LRRC4C: variants seen among roughly 807,000 people sequenced by gnomAD.
LRRC4C encodes leucine-rich repeat-containing protein 4C.
In LRRC4C, 5 loss-of-function variants were observed where a neutral mutation model predicts 33.6. The observed-to-expected ratio is 0.15, with a 90% CI of 0.08 to 0.31. LRRC4C has a LOEUF of 0.31. LRRC4C is among the 10% of genes least tolerant of loss of function. The pLI is 1.00. For synonymous variants in LRRC4C, 329 were observed against 302.0 expected (o/e 1.09, Z -0.93); for missense variants, 560 against 796.7 (o/e 0.70, Z 3.58).
chr11:41,182,620 TC>T (rs1298145168), intron 1 of LRRC4C, among the ~76,000 whole-genome samples: 1 of 152,136 alleles, frequency 6.6e-6, no homozygotes, highest in Non-Finnish European at 1.5e-5. Context: ...TCTCTAAAAG[TC>T]CAAAATCTTT....
intron 5 of LRRC4C, among the ~76,000 whole-genome samples, chr11:40,203,677 A>T (rs1345269537): frequency 6.6e-6 from 1 of 152,228 alleles, no homozygotes; most frequent in East Asian, 1.9e-4. Flanking sequence ...TCCTGGAAGG[A>T]AGCCATAATG....
intron 5 of LRRC4C, among the ~76,000 whole-genome samples, chr11:40,181,380 A>AT (rs1248919571): frequency 1.3e-5 from 2 of 152,188 alleles, no homozygotes; most frequent in African/African-American, 4.8e-5. Flanking sequence ...TTAAAACTGT[A>AT]TTTTACATAC....
At chr11:40,395,611 C>CTATA (rs1180662214) in intron 3 of LRRC4C, among the ~76,000 whole-genome samples, 1 of 152,072 alleles carries the variant, frequency 6.6e-6, no homozygotes, top group Non-Finnish European at 1.5e-5. Flanking sequence ...TTTTTTGAGT[C>CTATA]TATATTTATC....
At chr11:40,183,833 G>C (rs1189065090) in intron 5 of LRRC4C, among the ~76,000 whole-genome samples, 1 of 152,184 alleles carries the variant, frequency 6.6e-6, no homozygotes, top group East Asian at 1.9e-4. Flanking sequence ...AGGCCTTGTG[G>C]TTATGCTAGA....
At chr11:40,840,228 A>G (rs183586117) in intron 2 of LRRC4C, among the ~76,000 whole-genome samples, 88 of 152,328 alleles carry the variant, frequency 5.8e-4, no homozygotes, top group African/African-American at 2.0e-3. Context: ...CTATCAAAGA[A>G]AAACAGATAT....
At chr11:40,978,860 G>T (rs373089335) in intron 1 of LRRC4C, among the ~76,000 whole-genome samples, 2 of 151,926 alleles carry the variant, frequency 1.3e-5, no homozygotes, top group South Asian at 4.2e-4. Flanking sequence ...TCCAACTCCT[G>T]ATCTCAAGTG....
chr11:40,376,078 CA>C (rs1948648168), intron 3 of LRRC4C, among the ~76,000 whole-genome samples: 4 of 152,092 alleles, frequency 2.6e-5, no homozygotes, highest in Admixed American at 2.6e-4. Context: ...AAATATTAAT[CA>C]AGGAATTATT....
At chr11:40,962,232 G>A (rs769208844) in intron 1 of LRRC4C, among the ~76,000 whole-genome samples, 1 of 151,566 alleles carries the variant, frequency 6.6e-6, no homozygotes, top group Non-Finnish European at 1.5e-5. Context: ...TTTGAAGATC[G>A]AGGAAGGGAC....
intron 1 of LRRC4C, among the ~76,000 whole-genome samples, chr11:41,013,258 A>G (rs1424275793): frequency 6.6e-6 from 1 of 152,188 alleles, no homozygotes; most frequent in African/African-American, 2.4e-5. Flanking sequence ...CTAGTTACTC[A>G]TTGTATCCAC....
chr11:40,864,869 A>C (rs1954274797), intron 2 of LRRC4C, among the ~76,000 whole-genome samples: 1 of 152,184 alleles, frequency 6.6e-6, no homozygotes, highest in African/African-American at 2.4e-5. Flanking sequence ...TCTGTGTGTA[A>C]AAGATATTAC....
chr11:40,147,392 T>G (rs1857828675), intron 5 of LRRC4C, among the ~76,000 whole-genome samples: 1 of 152,158 alleles, frequency 6.6e-6, no homozygotes, highest in African/African-American at 2.4e-5. Flanking sequence ...TTCTTTTTAT[T>G]ATAACTATCC....
chr11:40,378,567 A>G (rs1480571174), intron 3 of LRRC4C, among the ~76,000 whole-genome samples: 2 of 152,078 alleles, frequency 1.3e-5, no homozygotes, highest in East Asian at 3.8e-4. Flanking sequence ...TATTGAAAGA[A>G]ATATTTCTAG....
chr11:40,771,018 C>T (rs369730036), intron 2 of LRRC4C, among the ~76,000 whole-genome samples: 1 of 152,326 alleles, frequency 6.6e-6, no homozygotes, highest in African/African-American at 2.4e-5. Context: ...TAGCTTTCTT[C>T]TTACAGATTC....
chr11:40,316,194 TTG>T (rs933583948), intron 4 of LRRC4C, among the ~76,000 whole-genome samples: 10 of 152,148 alleles, frequency 6.6e-5, no homozygotes, highest in African/African-American at 2.4e-4. Flanking sequence ...ATTGTCTCAC[TTG>T]AAATTATGTA....
intron 1 of LRRC4C, among the ~76,000 whole-genome samples, chr11:40,994,824 TA>T (rs529304194): frequency 0.2 from 4,275 of 21,182 alleles, 64 homozygotes; most frequent in Middle Eastern, 0.24. Flanking sequence ...ACTTTTTTTT[TA>T]ACTACTTCAT....
intron 1 of LRRC4C, chr11:41,394,575 C>T (rs1043342055): frequency 1.3e-5 from 2 of 151,862 alleles, no homozygotes; most frequent in Admixed American, 1.3e-4. Flanking sequence ...ATGATTTGAT[C>T]CTTGTGGTAA....
intron 2 of LRRC4C, among the ~76,000 whole-genome samples, chr11:40,776,192 A>AT (rs1949986207): frequency 6.6e-6 from 1 of 151,414 alleles, no homozygotes; most frequent in Non-Finnish European, 1.5e-5. Context: ...CCTGTTGATG[A>AT]TTTTTGCATC....
At chr11:40,719,917 C>A (rs1946924781) in intron 2 of LRRC4C, among the ~76,000 whole-genome samples, 1 of 146,730 alleles carries the variant, frequency 6.8e-6, no homozygotes, top group South Asian at 2.2e-4. Context: ...TGAAAACTAT[C>A]CAACTTGCTT....
rs138933488 is a variant in LRRC4C, at chr11:41,176,967, T to TAAAAC, written c.-495-243249_-495-243245dup. ...GCGACAGAGTAATACTCCATCTCTA[T>TAAAAC]AAAACAAAACAAAACAAAACAAAAC... On this transcript the variant is annotated intron_variant, in intron 1 of 6. Transcript: ENST00000528697. Among the ~76,000 whole-genome samples the TAAAAC allele has an allele frequency of 4.4e-3, 650 of 147,716 alleles. 1 individual carries two copies. Among genetic ancestry groups the TAAAAC allele is most frequent in the African/African-American group, 0.015 (586 of 39,668 alleles).
Sources: gnomAD v4.1 joint callset for allele counts (sites outside exome capture counted in the v4.1 genomes callset) on GRCh38, gnomAD v4.1.1 for gene constraint, MANE v1.5 for transcripts, NCBI Gene and HGNC (gene_info 2026-07-23, HGNC 2026-07-21) for gene names.